PITPNA: variants seen among roughly 807,000 people sequenced by gnomAD.
PITPNA encodes phosphatidylinositol transfer protein alpha isoform.
Under a neutral mutation model 50.3 loss-of-function variants are expected in PITPNA, and 13 were observed. The ratio of observed to expected loss-of-function variants is 0.26; its 90% confidence interval spans 0.17 to 0.41. The LOEUF is 0.41. Among genes scored for constraint, PITPNA ranks in the 10% least tolerant of loss-of-function variants. The pLI is 1.00. For synonymous variants in PITPNA, 120 were observed against 119.6 expected (o/e 1.00, Z -0.02); for missense variants, 207 against 333.4 (o/e 0.62, Z 2.95).
intron 10 of PITPNA, among the ~76,000 whole-genome samples, chr17:1,529,879 A>G (rs928404185): frequency 1.3e-5 from 2 of 152,024 alleles, no homozygotes; most frequent in Non-Finnish European, 2.9e-5. Context: ...AAAAGAAAAC[A>G]AGTTTTCTTA....
At chr17:1,560,437 A>ACGGGGCACGAGT (rs1431901750) in intron 1 of PITPNA, among the ~76,000 whole-genome samples, 55 of 152,072 alleles carry the variant, frequency 3.6e-4, no homozygotes, top group African/African-American at 1.3e-3. Context: ...GGATGCACAC[A>ACGGGGCACGAGT]CGGGGCACGA....
chr17:1,517,777 G>T lies in PITPNA; in HGVS notation c.*2784C>A, dbSNP rs908402770. The T allele has an allele frequency of 1.3e-5, 2 of 152,206 alleles. No homozygotes were observed. The highest frequency in any genetic ancestry group is 4.8e-5 in the African/African-American group (2 of 41,430). 9.4% of individuals were successfully genotyped at this position (152,206 alleles called of 1,614,324 possible). The stretch of plus-strand genomic sequence containing the variant: ...ACAAAAGCAAAAGGACATCCTGTCA[G>T]TAGGAAACGGCCGAATTACAATTCA... On this transcript the variant is annotated 3_prime_UTR_variant, in exon 12 of 12. Transcript: ENST00000313486.
chr17:1,550,642 C>G (rs2075703355), intron 3 of PITPNA, among the ~76,000 whole-genome samples: 1 of 152,146 alleles, frequency 6.6e-6, no homozygotes, highest in South Asian at 2.1e-4. Context: ...GATCCTCCCA[C>G]CTCAGCCTCC....
In PITPNA at chr17:1,535,584, G is replaced by C. The variant is rs1567579564; in HGVS notation, c.457-66C>G. ...GAGGGAGTGAGAGATGGGGAGAACAGATCTTTCATTAGCATTCACTCCATA... is the reference window on the plus strand; with the variant it reads ...GAGGGAGTGAGAGATGGGGAGAACACATCTTTCATTAGCATTCACTCCATA... On this transcript the variant is annotated intron_variant, in intron 7 of 11. Coordinates refer to ENST00000313486, the MANE Select transcript of PITPNA (RefSeq NM_006224.4). The C allele has an allele frequency of 2.5e-5, 24 of 952,574 alleles. No homozygotes were observed. The South Asian group carries it at 3.0e-4, about 12-fold the overall frequency. The allele number at this position is 952,574 out of a possible 1,614,324, so 59.0% of individuals were successfully genotyped here.
chr17:1,549,615 G>A (rs1289966926), intron 3 of PITPNA, among the ~76,000 whole-genome samples: 4 of 144,288 alleles, frequency 2.8e-5, no homozygotes, highest in Non-Finnish European at 5.9e-5. Context: ...ACCGTGCCTG[G>A]CCTAGAAAGA....
At chr17:1,544,659 C>CG (rs1436473814) in intron 4 of PITPNA, among the ~76,000 whole-genome samples, 2 of 152,230 alleles carry the variant, frequency 1.3e-5, no homozygotes, top group African/African-American at 4.8e-5. Flanking sequence ...ATGGCAGGGC[C>CG]GGGCACGGTG....
chr17:1,535,331 C>T (rs562941547), intron 8 of PITPNA, 39 bp from the exon 9 acceptor site: 10 of 1,536,772 alleles, frequency 6.5e-6, no homozygotes, highest in Non-Finnish European at 7.2e-6. Flanking sequence ...CAAGTAACAA[C>T]GGGCAGACCT....
intron 10 of PITPNA, among the ~76,000 whole-genome samples, chr17:1,521,881 T>TC (rs1279105045): frequency 6.7e-6 from 1 of 148,988 alleles, no homozygotes; most frequent in African/African-American, 2.5e-5. Context: ...ACCTTTTTTT[T>TC]TTTTTTTTTT....
At chr17:1,557,027 A>T (rs1015796985) in intron 2 of PITPNA, among the ~76,000 whole-genome samples, 5 of 152,206 alleles carry the variant, frequency 3.3e-5, no homozygotes, top group African/African-American at 7.2e-5. Flanking sequence ...CTGTCAGCCC[A>T]GGCACCTGGT....
chr17:1,561,467 C>T (rs1027886744), intron 1 of PITPNA, among the ~76,000 whole-genome samples: 3 of 152,130 alleles, frequency 2.0e-5, no homozygotes, highest in Non-Finnish European at 4.4e-5. Context: ...CTGAGAATCC[C>T]CTAGAAACAA....
At position 1,551,320 on chromosome 17, in the gene PITPNA, C is replaced by T. The variant is rs1158063509; in HGVS notation, c.197+1684G>A. On this transcript the variant is annotated intron_variant, in intron 3 of 11. Transcript: ENST00000313486. ...TTTTTTTGTAAGAGACAGGCGGGAT[C>T]TCATTCTGTGGCCCAGGCTGGAGTG... Among the ~76,000 whole-genome samples the T allele has an allele frequency of 7.5e-5, 11 of 146,526 alleles. No homozygotes were observed. In the East Asian group the frequency reaches 1.8e-3, roughly 24 times the overall value.
At chr17:1,529,142 A>C (rs1053005233) in intron 10 of PITPNA, among the ~76,000 whole-genome samples, 2 of 93,208 alleles carry the variant, frequency 2.1e-5, no homozygotes, top group Non-Finnish European at 4.2e-5. Context: ...CATCTCAAAA[A>C]AAAAAAAAAA....
rs1567586508 is a variant in PITPNA, at chr17:1,552,974, G to A, written c.197+30C>T. ...CTCATTCACACACACACAAAAGCCA[G>A]CATCCGGCCCCGCTGCTCATGCCGC... On this transcript the variant is annotated intron_variant, in intron 3 of 11. Coordinates refer to ENST00000313486, the MANE Select transcript of PITPNA (RefSeq NM_006224.4). The A allele has an allele frequency of 9.3e-6, 15 of 1,610,318 alleles. No homozygotes were observed. In the East Asian group the frequency reaches 3.3e-4, roughly 36 times the overall value.
chr17:1,528,456 A>G (rs79069498), intron 10 of PITPNA, among the ~76,000 whole-genome samples: 7,540 of 152,270 alleles, frequency 0.05, 241 homozygotes, highest in Non-Finnish European at 0.075. Flanking sequence ...GTATTTAAAA[A>G]GAAAACAGGG....
intron 5 of PITPNA, among the ~76,000 whole-genome samples, chr17:1,541,938 G>A (rs753562687): frequency 3.3e-5 from 5 of 152,084 alleles, no homozygotes; most frequent in Admixed American, 1.3e-4. Context: ...GGTGGCTCAC[G>A]CCTGTCATCT....
intron 9 of PITPNA, among the ~76,000 whole-genome samples, chr17:1,534,847 G>A (rs1417227262): frequency 6.6e-6 from 1 of 152,178 alleles, no homozygotes. Flanking sequence ...GCATTAAACC[G>A]TAAGACATTT....
Position 1,562,504 on chromosome 17 carries a change from C to A in PITPNA, c.20+37G>T. 1.4e-6 allele frequency: 2 copies of A among 1,417,954 alleles called. No individual in the cohort carries two copies. The highest frequency in any genetic ancestry group is 1.9e-6 in the Non-Finnish European group (2 of 1,076,890). The allele number at this position is 1,417,954 out of a possible 1,614,324, so 87.8% of individuals were successfully genotyped here. A position where few individuals can be genotyped will look rare whatever the true frequency, so the allele number is the denominator to read the frequency against. On this transcript the variant is annotated intron_variant, in intron 1 of 11. Coordinates refer to ENST00000313486, the MANE Select transcript of PITPNA (RefSeq NM_006224.4). The surrounding 1 kb of genome is among the most constrained non-coding windows in gnomAD (Gnocchi z 6.4). ...CGCCCCGGCGGCCGTCCCCACCCTC[C>A]CTCCTCCCCGCTTCCGCACGGCCGC...
At position 1,553,159 on chromosome 17, in the gene PITPNA, A is replaced by G. The variant is rs781344247; in HGVS notation, c.52-10T>C. On this transcript the variant is annotated splice_polypyrimidine_tract_variant and intron_variant, in intron 2 of 11. Transcript: ENST00000313486. ...GCTGCCCCACTTGATACTAAAGGAC[A>G]GAGACAGATGTTATTCTCAACACGG... The G allele has an allele frequency of 1.9e-6, 3 of 1,613,828 alleles. No individual in the cohort carries two copies. Among genetic ancestry groups the G allele is most frequent in the Non-Finnish European group, 2.5e-6 (3 of 1,179,810 alleles).
At chr17:1,533,571 T>C (rs2075596813) in intron 10 of PITPNA, among the ~76,000 whole-genome samples, 1 of 152,154 alleles carries the variant, frequency 6.6e-6, no homozygotes, top group East Asian at 1.9e-4. Context: ...GCTGGGTCTT[T>C]AGGCTCCTAA....
Sources: gnomAD v4.1 joint callset for allele counts (sites outside exome capture counted in the v4.1 genomes callset) on GRCh38, gnomAD v4.1.1 for gene constraint, Gnocchi (gnomAD v3.1) non-coding constraint, MANE v1.5 for transcripts, NCBI Gene and HGNC (gene_info 2026-07-23, HGNC 2026-07-21) for gene names.